The following ZFC3H1 variants were observed in gnomAD, a reference collection of about 807,000 sequenced individuals.
The protein encoded by ZFC3H1 is zinc finger C3H1-type containing, also known as zinc finger C3H1 domain-containing protein.
Under a neutral mutation model 243.7 loss-of-function variants are expected in ZFC3H1, and 71 were observed. The observed-to-expected ratio is 0.29, with a 90% CI of 0.24 to 0.36. ZFC3H1 has a LOEUF of 0.36. Ranked by LOEUF, ZFC3H1 falls within the 10% of genes least tolerant of loss-of-function variation. The pLI, the probability that ZFC3H1 is intolerant of heterozygous loss-of-function variation, is 1.00. For missense variants in ZFC3H1, 1,966 were observed against 2,317.1 expected (o/e 0.85, Z 3.11); for synonymous variants, 838 against 813.0 (o/e 1.03, Z -0.52).
intron 2 of ZFC3H1, among the ~76,000 whole-genome samples, chr12:71,648,439 C>T (rs1405753450): frequency 6.6e-6 from 1 of 152,142 alleles, no homozygotes; most frequent in East Asian, 1.9e-4. Flanking sequence ...GATAAAGTTA[C>T]AGAATATCTA....
At chr12:71,642,636 CT>C in intron 5 of ZFC3H1, 77 bp from the exon 6 acceptor site, 1 of 1,490,982 alleles carries the variant, frequency 6.7e-7, no homozygotes. Context: ...TGATAGTTAT[CT>C]TCTATGGAAG....
intron 24 of ZFC3H1, among the ~76,000 whole-genome samples, chr12:71,621,518 G>C (rs1880028827): frequency 6.6e-6 from 1 of 151,922 alleles, no homozygotes; most frequent in Non-Finnish European, 1.5e-5. Flanking sequence ...TGGCCAGGCT[G>C]GTCTCAAACT....
Position 71,623,603 on chromosome 12 carries a change from C to A in ZFC3H1, c.4507-6G>T. 1 of 1,573,874 alleles carries A rather than the reference C, an allele frequency of 6.4e-7. No individual in the cohort carries two copies. Among genetic ancestry groups the A allele is most frequent in the Non-Finnish European group, 8.6e-7 (1 of 1,164,770 alleles). ...TTAGCAGATTTCAATGCATTCTAGGCAAAATTTAAAATTTTTTGATAAAAA... is the reference window on the plus strand; with the variant it reads ...TTAGCAGATTTCAATGCATTCTAGGAAAAATTTAAAATTTTTTGATAAAAA... On this transcript the variant is annotated splice_region_variant and splice_polypyrimidine_tract_variant and intron_variant, in intron 23 of 34. Transcript: ENST00000378743.
At chr12:71,642,411 A>G in intron 6 of ZFC3H1, 25 bp downstream of exon 6, 2 of 1,603,138 alleles carry the variant, frequency 1.2e-6, no homozygotes, top group Non-Finnish European at 8.5e-7. Flanking sequence ...GTAAATACAC[A>G]AAGGTTTCAA....
intron 22 of ZFC3H1, 25 bp downstream of exon 22, chr12:71,626,235 C>CGT (rs1565809388): frequency 1.2e-6 from 2 of 1,610,510 alleles, no homozygotes; most frequent in South Asian, 2.2e-5. Context: ...CACACACACA[C>CGT]ACGTACGTTA....
chr12:71,626,402 C>T lies in ZFC3H1; in HGVS notation c.4175G>A (p.Arg1392Gln), dbSNP rs545999744. The T allele has an allele frequency of 5.6e-6, 9 of 1,613,762 alleles. No homozygotes were observed. The highest frequency in any genetic ancestry group is 1.7e-5 in the Admixed American group (1 of 59,978). ...SLDSALNVLA[R>Q]ALENNKDNPE... is the part of the protein sequence containing the mutation. ...ATTGTCTTTGTTATTTTCCAATGCT[C>T]GCGCCAGAACATTTAAAGCAGAATC... Residue 1392 changes from arginine to glutamine, a missense_variant, in exon 22 of 35, where the codon CGA (arginine) becomes CAA (glutamine). This residue lies in a region of ZFC3H1 where 1,383 missense variants were observed against 1,723.7 expected (regional missense o/e 0.80). Coordinates refer to ENST00000378743, the MANE Select transcript of ZFC3H1 (RefSeq NM_144982.5).
intron 6 of ZFC3H1, among the ~76,000 whole-genome samples, chr12:71,639,011 A>G (rs1880536095): frequency 6.6e-6 from 1 of 152,174 alleles, no homozygotes. Context: ...TAAAACTAGG[A>G]ATGAGAAGAA....
In ZFC3H1 at chr12:71,638,520, A is replaced by G; in HGVS notation, c.1628-5T>C. ...GCGGTTGCACTGGTGAAGGAGCTGT[A>G]AAAAAATTTTTTGTTAAGAGTTTAA... On this transcript the variant is annotated splice_polypyrimidine_tract_variant and splice_region_variant and intron_variant, in intron 6 of 34. Transcript: ENST00000378743. 6.3e-7 allele frequency: 1 copy of G among 1,592,162 alleles called. No homozygotes were observed. Among genetic ancestry groups the G allele is most frequent in the Admixed American group, 1.9e-5 (1 of 54,046 alleles).
chr12:71,641,412 T>C (rs1162287787), intron 6 of ZFC3H1, among the ~76,000 whole-genome samples: 1 of 152,222 alleles, frequency 6.6e-6, no homozygotes, highest in African/African-American at 2.4e-5. Flanking sequence ...TGATTTGGTC[T>C]CACTATGTGA....
Position 71,663,114 on chromosome 12 carries a change from C to G in ZFC3H1, c.497G>C (p.Arg166Pro), listed in dbSNP as rs373176913. 9.7e-5 allele frequency: 156 copies of G among 1,613,964 alleles called. No homozygotes were observed. Among genetic ancestry groups the G allele is most frequent in the Non-Finnish European group, 1.2e-4 (140 of 1,180,042 alleles). ...AGGTCTGCACCCCGGCTTGCCTCCT[C>G]GCTCACCCACTCCTCGCCCCCGACT... ...RWSRGRGVGE[R>P]GGKPGCRPPL... Residue 166 changes from arginine to proline, a missense_variant, in exon 1 of 35, where the codon CGA (arginine) becomes CCA (proline). Transcript: ENST00000378743.
rs754532284 is a variant in ZFC3H1, at chr12:71,632,317, G to A, written c.3015C>T (p.Pro1005=). The A allele has an allele frequency of 6.9e-5, 111 of 1,613,642 alleles. No homozygotes were observed. Among genetic ancestry groups the A allele is most frequent in the Middle Eastern group, 4.9e-4 (3 of 6,082 alleles). ...QNISPVVEEE[P]EFSLPQPSLH... is the part of the protein sequence containing the mutation. ...GTGAGGGTTGAGGTAAAGAAAATTC[G>A]GGTTCCTCTTCCACAACTGGAGAGA... The change falls in exon 15 of 35, where the codon CCC becomes CCT. Residue 1005 remains proline, a synonymous_variant. Transcript: ENST00000378743.
chr12:71,645,089 AG>A lies in ZFC3H1; in HGVS notation c.1081-15del. The A allele has an allele frequency of 6.4e-7, 1 of 1,573,338 alleles. No individual in the cohort carries two copies. The stretch of plus-strand genomic sequence containing the variant: ...TTCACCAAGTTTCTTTAAAGCAAAA[AG>A]AAAGAGCTAAAATTTTTTAATTCTA... On this transcript the variant is annotated splice_polypyrimidine_tract_variant and intron_variant, in intron 3 of 34. Transcript: ENST00000378743.
rs1176345391 is a variant in ZFC3H1 at position 71,647,903 on chromosome 12, T to A, written c.1016-90A>T. The A allele has an allele frequency of 8.1e-6, 4 of 493,666 alleles. No individual in the cohort carries two copies. The African/African-American group carries it at 8.1e-5, about 10-fold the overall frequency. The allele number at this position is 493,666 out of a possible 1,614,324, so 30.6% of individuals were successfully genotyped here. A position where few individuals can be genotyped will look rare whatever the true frequency, so the allele number is the denominator to read the frequency against. On this transcript the variant is annotated intron_variant, in intron 2 of 34. Coordinates refer to ENST00000378743, the MANE Select transcript of ZFC3H1 (RefSeq NM_144982.5). ...CCTATATAATATCTGGTAATTATTTTAAAAGAGATCATTAAAGGGTCTCAT... is the reference window on the plus strand; with the variant it reads ...CCTATATAATATCTGGTAATTATTTAAAAAGAGATCATTAAAGGGTCTCAT...
intron 3 of ZFC3H1, 100 bp downstream of exon 3, chr12:71,647,649 A>G (rs1444062679): frequency 3.1e-6 from 2 of 651,976 alleles, no homozygotes; most frequent in Admixed American, 3.5e-5. Context: ...ATGAAAGAAA[A>G]TAAGTGAAAG....
rs1345514768 is a variant in ZFC3H1, at chr12:71,642,963, C to CATTTTAATTATAAATAA, written c.1504-421_1504-405dup. Among the ~76,000 whole-genome samples, 31 of 152,210 alleles carry CATTTTAATTATAAATAA rather than the reference C, an allele frequency of 2.0e-4. No homozygotes were observed. In the East Asian group the frequency reaches 5.6e-3, roughly 27 times the overall value. On this transcript the variant is annotated intron_variant, in intron 5 of 34. Coordinates refer to ENST00000378743, the MANE Select transcript of ZFC3H1 (RefSeq NM_144982.5). ...GAATATTTCCCCAAAAATTCAAAAA[C>CATTTTAATTATAAATAA]ATTTTAATTATAAATAAATTAATGA...
chr12:71,610,264 A>T lies in ZFC3H1; in HGVS notation c.*164T>A. ...TATCCAACCGAAGAGGATCATGTTC[A>T]TTGCTTCCGGTTTTGAGGACAGGAT... On this transcript the variant is annotated 3_prime_UTR_variant, in exon 35 of 35. Transcript: ENST00000378743. The T allele has an allele frequency of 1.2e-6, 1 of 809,298 alleles. No individual in the cohort carries two copies. Among genetic ancestry groups the T allele is most frequent in the Non-Finnish European group, 1.9e-6 (1 of 530,198 alleles). The allele number at this position is 809,298 out of a possible 1,614,324, so 50.1% of individuals were successfully genotyped here.
At chr12:71,650,478 T>G (rs1204097875) in intron 2 of ZFC3H1, among the ~76,000 whole-genome samples, 3 of 152,028 alleles carry the variant, frequency 2.0e-5, no homozygotes, top group Non-Finnish European at 4.4e-5. Flanking sequence ...TGTCACACAG[T>G]ATTTAAAATA....
chr12:71,610,466 T>A lies in ZFC3H1; in HGVS notation c.5932A>T (p.Asn1978Tyr), dbSNP rs1203231783. The change falls in exon 35 of 35, where the codon AAT becomes TAT. Residue 1978 changes from asparagine (N) to tyrosine (Y), a missense_variant. By Grantham distance (143) the Asn-to-Tyr change is moderately radical. Coordinates refer to ENST00000378743, the MANE Select transcript of ZFC3H1 (RefSeq NM_144982.5). ...EIGVSLNELLNLNSNKTESKN... is the reference protein window; with the variant it reads ...EIGVSLNELLYLNSNKTESKN... ...CTTTCTGTTTTGTTACTGTTTAAATTTAAGAGCTCATTTAGGCTGACTCCA... is the reference window on the plus strand; with the variant it reads ...CTTTCTGTTTTGTTACTGTTTAAATATAAGAGCTCATTTAGGCTGACTCCA... The A allele has an allele frequency of 6.2e-7, 1 of 1,613,580 alleles. No individual in the cohort carries two copies. Among genetic ancestry groups the A allele is most frequent in the Non-Finnish European group, 8.5e-7 (1 of 1,179,596 alleles).
intron 12 of ZFC3H1, 119 bp from the exon 13 acceptor site, chr12:71,633,557 A>G: frequency 1.4e-6 from 1 of 731,298 alleles, no homozygotes; most frequent in Non-Finnish European, 2.2e-6. Flanking sequence ...GACACAGATA[A>G]AAATGTAAAG....
Sources: gnomAD v4.1 joint callset for allele counts (sites outside exome capture counted in the v4.1 genomes callset) on GRCh38, gnomAD v4.1.1 for gene constraint, gnomAD v4.1.1 regional missense constraint, MANE v1.5 for transcripts, NCBI Gene and HGNC (gene_info 2026-07-23, HGNC 2026-07-21) for gene names.